The following AKAP7 variants were observed in gnomAD, a reference collection of about 807,000 sequenced individuals.
The protein encoded by AKAP7 is A-kinase anchoring protein 7, also known as A kinase (PRKA) anchor protein 7.
Under a neutral mutation model 39.5 loss-of-function variants are expected in AKAP7, and 39 were observed. That is an observed-to-expected ratio of 0.99 (90% confidence interval 0.76 to 1.29). The LOEUF (loss-of-function observed/expected upper bound fraction) is 1.29, where lower values mean the gene tolerates loss of function less well. Among genes scored for constraint, AKAP7 ranks in the 50% most tolerant of loss-of-function variants. The pLI is 0.00. For missense variants in AKAP7, 414 were observed against 407.7 expected (o/e 1.02, Z -0.13); for synonymous variants, 140 against 139.1 (o/e 1.01, Z -0.05).
At chr6:131,179,167 G>T (rs967077647) in intron 5 of AKAP7, among the ~76,000 whole-genome samples, 2 of 112,356 alleles carry the variant, frequency 1.8e-5, no homozygotes, top group Non-Finnish European at 3.8e-5. Flanking sequence ...TTGTCTATTC[G>T]GTTTTTTTTT....
At chr6:131,239,358 A>C (rs11961577) in intron 7 of AKAP7, among the ~76,000 whole-genome samples, 2 of 151,842 alleles carry the variant, frequency 1.3e-5, no homozygotes, top group African/African-American at 4.8e-5. Flanking sequence ...CTTCATTTCA[A>C]CTTTGGTGAA....
chr6:131,268,421 A>G (rs1418043710), intron 7 of AKAP7, among the ~76,000 whole-genome samples: 2 of 152,224 alleles, frequency 1.3e-5, no homozygotes, highest in African/African-American at 2.4e-5. Context: ...ACCAAATGCA[A>G]TAATGTTTCC....
chr6:131,203,550 T>C (rs1416058014), intron 6 of AKAP7, among the ~76,000 whole-genome samples: 3 of 152,162 alleles, frequency 2.0e-5, no homozygotes, highest in Non-Finnish European at 4.4e-5. Context: ...TAGCTGAATA[T>C]ATGCTTACTG....
intron 7 of AKAP7, among the ~76,000 whole-genome samples, chr6:131,264,070 T>C (rs1813581486): frequency 6.6e-6 from 1 of 152,206 alleles, no homozygotes. Context: ...TTGCTCTATT[T>C]TTTATGCCAT....
intron 6 of AKAP7, among the ~76,000 whole-genome samples, chr6:131,219,099 T>G (rs568503734): frequency 7.2e-5 from 11 of 152,120 alleles, no homozygotes; most frequent in African/African-American, 2.7e-4. Flanking sequence ...AAACCCTGTC[T>G]CTACTAAAAT....
Position 131,211,333 on chromosome 6 carries a change from T to G in AKAP7, c.703-8328T>G, listed in dbSNP as rs145225709. Among the ~76,000 whole-genome samples the G allele has an allele frequency of 1.8e-3, 268 of 152,324 alleles. 2 individuals carry two copies. The highest frequency in any genetic ancestry group is 6.0e-3 in the African/African-American group (250 of 41,584). On this transcript the variant is annotated intron_variant, in intron 6 of 7. Coordinates refer to ENST00000431975, the MANE Select transcript of AKAP7 (RefSeq NM_016377.4). ...AGTGCTTCTCAAAATTTGGAAAATA[T>G]TCTTTCTTAATTTTTGAAATCTCTA...
chr6:131,155,775 T>A (rs1482639007), intron 2 of AKAP7, among the ~76,000 whole-genome samples: 1 of 152,210 alleles, frequency 6.6e-6, no homozygotes, highest in Non-Finnish European at 1.5e-5. Flanking sequence ...TTAAGCATAT[T>A]TGATGTATTT....
At chr6:131,249,996 G>A (rs1291782711) in intron 7 of AKAP7, among the ~76,000 whole-genome samples, 1 of 152,178 alleles carries the variant, frequency 6.6e-6, no homozygotes, top group Non-Finnish European at 1.5e-5. Flanking sequence ...CATGCAGTTT[G>A]CTAGGTAGTT....
intron 7 of AKAP7, among the ~76,000 whole-genome samples, chr6:131,275,505 A>G (rs145029424): frequency 1.3e-5 from 2 of 152,352 alleles, no homozygotes; most frequent in African/African-American, 4.8e-5. Context: ...CAGAAATTGT[A>G]TAGGCAGCAA....
intron 7 of AKAP7, among the ~76,000 whole-genome samples, chr6:131,237,939 T>G (rs1444791267): frequency 6.6e-6 from 1 of 152,208 alleles, no homozygotes; most frequent in Non-Finnish European, 1.5e-5. Flanking sequence ...ATTTCTTGCC[T>G]TCTGCTAGCT....
chr6:131,151,864 A>G (rs564404647), intron 2 of AKAP7, among the ~76,000 whole-genome samples: 1 of 152,380 alleles, frequency 6.6e-6, no homozygotes, highest in East Asian at 1.9e-4. Flanking sequence ...ATAAAATATC[A>G]AAACAAATCT....
chr6:131,180,552 G>A (rs1328485322), intron 5 of AKAP7, among the ~76,000 whole-genome samples: 1 of 151,928 alleles, frequency 6.6e-6, no homozygotes, highest in Non-Finnish European at 1.5e-5. Context: ...TTCCTACCTA[G>A]AATCTTTAAA....
At chr6:131,173,145 G>C (rs1286088726) in intron 5 of AKAP7, among the ~76,000 whole-genome samples, 1 of 149,196 alleles carries the variant, frequency 6.7e-6, no homozygotes, top group Non-Finnish European at 1.5e-5. Context: ...AGGTTGCAGT[G>C]AGCCGAGATC....
intron 7 of AKAP7, among the ~76,000 whole-genome samples, chr6:131,228,552 C>G (rs1810381920): frequency 6.6e-6 from 1 of 152,012 alleles, no homozygotes; most frequent in Admixed American, 6.6e-5. Context: ...GACGGGGTCT[C>G]CCTATGTCCA....
intron 4 of AKAP7, among the ~76,000 whole-genome samples, chr6:131,168,260 A>C (rs893129232): frequency 4.6e-5 from 7 of 152,124 alleles, no homozygotes; most frequent in Non-Finnish European, 1.0e-4. Flanking sequence ...AATTAAAAAA[A>C]AATAGCCAGG....
rs1804099365 is a variant in AKAP7, at chr6:131,172,008, AT to A, written c.589+2739del. Among the ~76,000 whole-genome samples the A allele has an allele frequency of 2.0e-5, 3 of 152,148 alleles. No individual in the cohort carries two copies. In the South Asian group the frequency reaches 6.2e-4, roughly 31 times the overall value. On this transcript the variant is annotated intron_variant, in intron 5 of 7. Transcript: ENST00000431975. ...GTGTGATCAGAGAGCAGTATATTGG[AT>A]TTTATGAATTGAGGAGATTTCTGGT...
chr6:131,247,325 T>C (rs9388888), intron 7 of AKAP7, among the ~76,000 whole-genome samples: 37 of 137,188 alleles, frequency 2.7e-4, no homozygotes, highest in African/African-American at 6.2e-4. Context: ...GTTTTTTTTT[T>C]CTTTTTTTTT....
intron 2 of AKAP7, among the ~76,000 whole-genome samples, chr6:131,159,566 T>C (rs1802751934): frequency 6.6e-6 from 1 of 152,224 alleles, no homozygotes; most frequent in Non-Finnish European, 1.5e-5. Context: ...TTCCAAAGCA[T>C]TCTCTTAATT....
At chr6:131,213,928 C>A (rs1306462887) in intron 6 of AKAP7, among the ~76,000 whole-genome samples, 2 of 152,088 alleles carry the variant, frequency 1.3e-5, no homozygotes, top group Non-Finnish European at 2.9e-5. Flanking sequence ...GTGCCAGTGA[C>A]CTGTTGTTCT....
Sources: allele counts gnomAD v4.1 joint callset (sites outside exome capture counted in the v4.1 genomes callset), GRCh38; gene constraint gnomAD v4.1.1; transcripts MANE v1.5; gene names NCBI Gene and HGNC (gene_info 2026-07-23, HGNC 2026-07-21).